The following ADAMTSL1 variants were observed in gnomAD, a reference collection of about 807,000 sequenced individuals.
ADAMTSL1 encodes the protein ADAMTS-like protein 1.
A neutral mutation model predicts 201.8 loss-of-function variants in ADAMTSL1; 126 were observed. The observed-to-expected ratio is 0.62, with a 90% CI of 0.54 to 0.72. The LOEUF (loss-of-function observed/expected upper bound fraction) is 0.72, where lower values mean the gene tolerates loss of function less well. Ranked by LOEUF, ADAMTSL1 falls within the 30% of genes least tolerant of loss-of-function variation. The pLI is 0.00. For synonymous variants in ADAMTSL1, 1,121 were observed against 903.4 expected (o/e 1.24, Z -4.32); for missense variants, 2,679 against 2,277.8 (o/e 1.18, Z -3.59).
Position 18,419,655 on chromosome 9 carries a change from A to C in ADAMTSL1, c.208-85174A>C, listed in dbSNP as rs146921469. Among the ~76,000 whole-genome samples the C allele has an allele frequency of 7.9e-5, 12 of 152,286 alleles. No individual in the cohort carries two copies. In the East Asian group the frequency reaches 2.3e-3, roughly 29 times the overall value. On this transcript the variant is annotated intron_variant, in intron 2 of 29. Coordinates refer to the ADAMTSL1 transcript ENST00000680146. ...TAGACACACTACATGTGATACCTTG[A>C]ATAAATCTCGAAAGTATGCTGAGTG...
chr9:18,757,499 C>T lies in ADAMTSL1; in HGVS notation c.2217+3991C>T, dbSNP rs139706371. Among the ~76,000 whole-genome samples the T allele has an allele frequency of 8.0e-3, 1,218 of 152,224 alleles. 18 individuals are homozygous for T. Among genetic ancestry groups the T allele is most frequent in the African/African-American group, 0.028 (1,167 of 41,540 alleles). The stretch of plus-strand genomic sequence containing the variant: ...TTTCTCAGTGACTCTAAAGCCAGTA[C>T]ATGTCTTGTTCAGGCCTTCATCCCT... On this transcript the variant is annotated intron_variant, in intron 16 of 28. Transcript: ENST00000380548.
rs769756322 is a variant in ADAMTSL1, at chr9:18,908,782, G to C, written c.*234G>C. On this transcript the variant is annotated 3_prime_UTR_variant, in exon 29 of 29. Coordinates refer to ENST00000380548, the MANE Select transcript of ADAMTSL1 (RefSeq NM_001040272.6). The stretch of plus-strand genomic sequence containing the variant: ...AAGGAAAGGACAGATGTCTAAAGGA[G>C]GTTGCAGAGCAGGCCAGGCAGACAG... The C allele has an allele frequency of 2.2e-5, 10 of 452,882 alleles. No individual in the cohort carries two copies. The highest frequency in any genetic ancestry group is 3.7e-5 in the Admixed American group (1 of 26,928). 28.1% of individuals were successfully genotyped at this position (452,882 alleles called of 1,614,324 possible). A position where few individuals can be genotyped will look rare whatever the true frequency, so the allele number is the denominator to read the frequency against.
intron 2 of ADAMTSL1, among the ~76,000 whole-genome samples, chr9:18,435,085 A>C (rs1380195585): frequency 6.6e-6 from 1 of 152,244 alleles, no homozygotes; most frequent in Non-Finnish European, 1.5e-5. Context: ...GTCATGGCAC[A>C]GCATTTCCAA....
chr9:18,039,880 G>C (rs1056237519), intron 1 of ADAMTSL1, among the ~76,000 whole-genome samples: 1 of 152,156 alleles, frequency 6.6e-6, no homozygotes, highest in East Asian at 1.9e-4. Context: ...TAGCCGATAA[G>C]ATTTCTGAAT....
At chr9:18,383,780 C>T (rs149272470) in intron 2 of ADAMTSL1, among the ~76,000 whole-genome samples, 32 of 152,266 alleles carry the variant, frequency 2.1e-4, no homozygotes, top group African/African-American at 5.5e-4. Context: ...GGGCCTGTGA[C>T]GAGGCCAAGC....
chr9:18,170,638 G>T (rs1374045202), intron 2 of ADAMTSL1, among the ~76,000 whole-genome samples: 1 of 151,996 alleles, frequency 6.6e-6, no homozygotes, highest in African/African-American at 2.4e-5. Context: ...TTAAATAAGA[G>T]AAAGAGAAAA....
intron 2 of ADAMTSL1, among the ~76,000 whole-genome samples, chr9:18,458,955 C>A (rs900515387): frequency 6.6e-6 from 1 of 152,078 alleles, no homozygotes; most frequent in Non-Finnish European, 1.5e-5. Context: ...GTATTTGCTG[C>A]CATAAGCTGA....
chr9:18,167,477 TAA>T (rs1254894941), intron 2 of ADAMTSL1, among the ~76,000 whole-genome samples: 1 of 151,962 alleles, frequency 6.6e-6, no homozygotes, highest in African/African-American at 2.4e-5. Context: ...TCACAGTGTG[TAA>T]AGAGTTTGTT....
chr9:18,899,040 A>G (rs1203805755), intron 26 of ADAMTSL1, among the ~76,000 whole-genome samples: 2 of 152,240 alleles, frequency 1.3e-5, no homozygotes, highest in Non-Finnish European at 2.9e-5. Context: ...CCCTTTATCT[A>G]CAAAATCCCA....
intron 15 of ADAMTSL1, among the ~76,000 whole-genome samples, chr9:18,730,348 A>T (rs909672559): frequency 6.6e-5 from 10 of 152,248 alleles, no homozygotes; most frequent in South Asian, 2.1e-4. Flanking sequence ...AAAATGAGGG[A>T]GTGAAAAAGA....
chr9:18,696,951 C>T (rs1196582156), intron 13 of ADAMTSL1, among the ~76,000 whole-genome samples: 1 of 151,018 alleles, frequency 6.6e-6, no homozygotes, highest in Non-Finnish European at 1.5e-5. Context: ...GTGATCTCAG[C>T]TCACTGCAAA....
At chr9:18,887,511 T>C (rs570992862) in intron 23 of ADAMTSL1, among the ~76,000 whole-genome samples, 1 of 152,342 alleles carries the variant, frequency 6.6e-6, no homozygotes, top group Admixed American at 6.5e-5. Context: ...TAAGAACTAC[T>C]TACCTTGAAA....
intron 2 of ADAMTSL1, among the ~76,000 whole-genome samples, chr9:18,509,234 A>G (rs1817874793): frequency 8.1e-6 from 1 of 122,774 alleles, no homozygotes; most frequent in East Asian, 2.5e-4. Flanking sequence ...AAAAAAAAAG[A>G]AATAGATATG....
intron 2 of ADAMTSL1, among the ~76,000 whole-genome samples, chr9:18,422,540 A>C (rs1195345225): frequency 1.3e-5 from 2 of 152,090 alleles, no homozygotes; most frequent in Non-Finnish European, 2.9e-5. Context: ...CACACAGACA[A>C]CAGGCTCCGC....
intron 7 of ADAMTSL1, among the ~76,000 whole-genome samples, chr9:18,654,891 C>G (rs1828527080): frequency 6.6e-6 from 1 of 152,180 alleles, no homozygotes; most frequent in African/African-American, 2.4e-5. Flanking sequence ...GCAGTGTGAC[C>G]AAGTCACATA....
intron 1 of ADAMTSL1, among the ~76,000 whole-genome samples, chr9:18,024,292 G>T (rs1022518726): frequency 6.6e-6 from 1 of 151,822 alleles, no homozygotes; most frequent in African/African-American, 2.4e-5. Flanking sequence ...AGCTTTGAGG[G>T]TACATCTGTG....
At chr9:18,742,035 C>T (rs756842579) in intron 15 of ADAMTSL1, among the ~76,000 whole-genome samples, 11 of 152,080 alleles carry the variant, frequency 7.2e-5, no homozygotes, top group Non-Finnish European at 1.2e-4. Flanking sequence ...TCTTATCTGA[C>T]GCATAGCCAT....
intron 1 of ADAMTSL1, among the ~76,000 whole-genome samples, chr9:18,111,791 C>A (rs917223819): frequency 6.6e-6 from 1 of 152,058 alleles, no homozygotes; most frequent in African/African-American, 2.4e-5. Flanking sequence ...AGTGTTGAGC[C>A]CAAGAAAAGT....
intron 2 of ADAMTSL1, among the ~76,000 whole-genome samples, chr9:18,307,570 A>C (rs76943663): frequency 1.3e-5 from 2 of 152,130 alleles, no homozygotes; most frequent in Non-Finnish European, 2.9e-5. Flanking sequence ...ACAGACTTTA[A>C]ACCAAAAAAG....
Sources: allele counts gnomAD v4.1 joint callset (sites outside exome capture counted in the v4.1 genomes callset), GRCh38; gene constraint gnomAD v4.1.1; transcripts MANE v1.5; gene names NCBI Gene and HGNC (gene_info 2026-07-23, HGNC 2026-07-21).